The following KCNH1 variants were observed in gnomAD, a reference collection of about 807,000 sequenced individuals.
KCNH1 encodes potassium voltage-gated channel subfamily H member 1.
KCNH1 carries 27 observed loss-of-function variants against 69.2 expected under a neutral mutation model. The ratio of observed to expected loss-of-function variants is 0.39; its 90% CI spans 0.29 to 0.54. The LOEUF (loss-of-function observed/expected upper bound fraction) is 0.54, where lower values mean the gene tolerates loss of function less well. Among genes scored for constraint, KCNH1 ranks in the 20% least tolerant of loss-of-function variants. The probability of loss-of-function intolerance (pLI) is 0.68; values close to 1 mark genes in which losing one functional copy is unlikely to be tolerated. For missense variants in KCNH1, 798 were observed against 1,261.6 expected (o/e 0.63, Z 5.57); for synonymous variants, 456 against 487.7 (o/e 0.93, Z 0.86).
chr1:210,874,983 G>A (rs575487878), intron 7 of KCNH1, among the ~76,000 whole-genome samples: 6 of 152,138 alleles, frequency 3.9e-5, no homozygotes, highest in African/African-American at 1.2e-4. Flanking sequence ...ACACTCAGGA[G>A]TATGATTAAT....
intron 10 of KCNH1, among the ~76,000 whole-genome samples, chr1:210,766,770 G>A (rs763057239): frequency 1.3e-5 from 2 of 152,168 alleles, no homozygotes; most frequent in Middle Eastern, 3.2e-3. Flanking sequence ...AACCAAAACC[G>A]CGTGGACCTC....
intron 7 of KCNH1, among the ~76,000 whole-genome samples, chr1:210,903,444 T>A (rs1687036425): frequency 6.6e-6 from 1 of 152,194 alleles, no homozygotes; most frequent in Non-Finnish European, 1.5e-5. Context: ...CTTAATGTCA[T>A]TAAAAGTATT....
At chr1:210,716,597 T>A (rs1052575128) in intron 10 of KCNH1, among the ~76,000 whole-genome samples, 1 of 152,188 alleles carries the variant, frequency 6.6e-6, no homozygotes. Flanking sequence ...TTGGGTTATG[T>A]CCTTTAACTT....
chr1:210,889,156 T>G (rs1686687672), intron 7 of KCNH1, among the ~76,000 whole-genome samples: 1 of 152,094 alleles, frequency 6.6e-6, no homozygotes. Flanking sequence ...AAATCCTCAG[T>G]AAAATACTGG....
chr1:210,754,442 T>C (rs1443649743), intron 10 of KCNH1, among the ~76,000 whole-genome samples: 1 of 152,074 alleles, frequency 6.6e-6, no homozygotes, highest in Non-Finnish European at 1.5e-5. Context: ...AGTTTGGATA[T>C]TTTTTTCCCT....
At chr1:210,812,068 A>C (rs1001851191) in intron 7 of KCNH1, among the ~76,000 whole-genome samples, 2 of 152,182 alleles carry the variant, frequency 1.3e-5, no homozygotes, top group African/African-American at 4.8e-5. Context: ...GAACTTTGAG[A>C]AGAGTGGTAC....
At chr1:210,995,076 G>C (rs1257906968) in intron 6 of KCNH1, among the ~76,000 whole-genome samples, 1 of 151,744 alleles carries the variant, frequency 6.6e-6, no homozygotes, top group Non-Finnish European at 1.5e-5. Context: ...CTCTATTTTG[G>C]TGGGGCACCA....
Position 211,018,799 on chromosome 1 carries a change from T to A in KCNH1, c.1016A>T (p.Glu339Val), listed in dbSNP as rs1689540418. ...GGGATGTACCTGACTCTCTCTCCCC[T>A]CCAGTGGTGGTGGAATCTGATCAGC... The part of the protein sequence containing the change: ...GFADQIPPPL[E>V]GRESQGISSL... Residue 339 changes from glutamate to valine, a missense_variant, in exon 6 of 11, where the codon GAG (glutamate) becomes GTG (valine). Around this residue, in one of 4 missense-constraint regions of KCNH1, gnomAD observed 266 missense variants for 457.2 expected, o/e 0.58. Coordinates refer to ENST00000271751, the MANE Select transcript of KCNH1 (RefSeq NM_172362.3). 1 of 1,609,208 alleles carries A rather than the reference T, an allele frequency of 6.2e-7. No individual in the cohort carries two copies. The highest frequency in any genetic ancestry group is 2.2e-5 in the East Asian group (1 of 44,846).
chr1:211,127,071 C>T (rs1291657707), intron 1 of KCNH1, among the ~76,000 whole-genome samples: 1 of 152,162 alleles, frequency 6.6e-6, no homozygotes, highest in African/African-American at 2.4e-5. Flanking sequence ...GTTTACAAAG[C>T]ATGTTGGCCT....
At chr1:210,958,475 GTTC>G (rs1266550728) in intron 6 of KCNH1, among the ~76,000 whole-genome samples, 1 of 152,204 alleles carries the variant, frequency 6.6e-6, no homozygotes, top group African/African-American at 2.4e-5. Flanking sequence ...GGTTGGGGAA[GTTC>G]TTCTGGATAA....
chr1:211,043,327 C>T (rs548936189), intron 5 of KCNH1, among the ~76,000 whole-genome samples: 72 of 152,128 alleles, frequency 4.7e-4, no homozygotes, highest in Non-Finnish European at 8.8e-4. Flanking sequence ...CTATGAACAC[C>T]TTTACACACA....
At chr1:211,027,797 A>T (rs183874118) in intron 5 of KCNH1, among the ~76,000 whole-genome samples, 45 of 152,258 alleles carry the variant, frequency 3.0e-4, no homozygotes, top group Non-Finnish European at 4.7e-4. Context: ...ATGTATATGT[A>T]CCAAACAAGA....
In KCNH1 at chr1:211,107,263, C is replaced by G. The variant is rs1318794904; in HGVS notation, c.194G>C (p.Ser65Thr). 1 of 1,613,666 alleles carries G rather than the reference C, an allele frequency of 6.2e-7. No individual in the cohort carries two copies. Among genetic ancestry groups the G allele is most frequent in the African/African-American group, 1.3e-5 (1 of 74,860 alleles). The change falls in exon 2 of 11, where the codon AGC becomes ACC. Residue 65 changes from serine to threonine, a missense_variant. Ser to Thr is a moderately conservative substitution (Grantham distance 58, BLOSUM62 1). This residue lies in a region of KCNH1 where 266 missense variants were observed against 457.2 expected (regional missense o/e 0.58). Transcript: ENST00000271751. The stretch of plus-strand genomic sequence containing the variant: ...CTCCAAACATAAATACCTGCAGGTG[C>G]TGCTTTTTTGCATCACTTCTGCCCT... ...YHRAEVMQKS[S>T]TCSFMYGELT...
intron 6 of KCNH1, among the ~76,000 whole-genome samples, chr1:210,989,162 G>A (rs1571556368): frequency 1.3e-5 from 2 of 152,292 alleles, no homozygotes; most frequent in South Asian, 4.1e-4. Context: ...AAGAAAGTGG[G>A]CCAAGTTTTG....
At chr1:210,898,310 A>C (rs1384294905) in intron 7 of KCNH1, among the ~76,000 whole-genome samples, 4 of 152,200 alleles carry the variant, frequency 2.6e-5, no homozygotes, top group African/African-American at 9.7e-5. Flanking sequence ...GGGCAAAAAA[A>C]TATGCCATTT....
chr1:210,894,608 C>A (rs903113601), intron 7 of KCNH1, among the ~76,000 whole-genome samples: 1 of 152,226 alleles, frequency 6.6e-6, no homozygotes, highest in African/African-American at 2.4e-5. Context: ...CTCAAAAGTG[C>A]ATGTGTTGAA....
In KCNH1 at chr1:210,973,227, C is replaced by T. The variant is rs1247089043; in HGVS notation, c.1032+45556G>A. ...TTCAACATATCCCAAAGTGAAATAA[C>T]ATTTCTCAAATACTTATATTTGATG... On this transcript the variant is annotated intron_variant, in intron 6 of 10. Coordinates refer to ENST00000271751, the MANE Select transcript of KCNH1 (RefSeq NM_172362.3). Among the ~76,000 whole-genome samples, 4 of 152,130 alleles carry T rather than the reference C, an allele frequency of 2.6e-5. No individual in the cohort carries two copies. The East Asian group carries it at 5.8e-4, about 22-fold the overall frequency.
intron 1 of KCNH1, among the ~76,000 whole-genome samples, chr1:211,124,149 C>T (rs1434506373): frequency 6.6e-6 from 1 of 152,124 alleles, no homozygotes; most frequent in Non-Finnish European, 1.5e-5. Flanking sequence ...CACTTATTTC[C>T]TCATTCTTGA....
chr1:211,074,110 A>C (rs80253222), intron 5 of KCNH1, among the ~76,000 whole-genome samples: 1,811 of 150,918 alleles, frequency 0.012, 30 homozygotes, highest in African/African-American at 0.041. Flanking sequence ...AAAAAAAAAA[A>C]AAAAAAACCT....
Sources: allele counts gnomAD v4.1 joint callset (sites outside exome capture counted in the v4.1 genomes callset), GRCh38; gene constraint gnomAD v4.1.1; regional missense constraint gnomAD v4.1.1; transcripts MANE v1.5; gene names NCBI Gene and HGNC (gene_info 2026-07-23, HGNC 2026-07-21).